The following PHLDB2 variants were observed in gnomAD, a reference collection of about 807,000 sequenced individuals.
PHLDB2 encodes pleckstrin homology like domain family B member 2, also known as pleckstrin homology-like domain family B member 2.
Under a neutral mutation model 123.6 loss-of-function variants are expected in PHLDB2, and 71 were observed. The observed-to-expected ratio is 0.57, with a 90% CI of 0.47 to 0.70. The LOEUF (loss-of-function observed/expected upper bound fraction) is 0.70. Among genes scored for constraint, PHLDB2 ranks in the 30% least tolerant of loss-of-function variants. The pLI is 0.00. For synonymous variants in PHLDB2, 547 were observed against 541.6 expected (o/e 1.01, Z -0.14); for missense variants, 1,446 against 1,519.5 (o/e 0.95, Z 0.80).
At chr3:111,734,454 C>A (rs929533760) in intron 1 of PHLDB2, among the ~76,000 whole-genome samples, 4 of 152,122 alleles carry the variant, frequency 2.6e-5, no homozygotes, top group Non-Finnish European at 5.9e-5. Context: ...GGCCATATTT[C>A]CCCACATTAC....
intron 1 of PHLDB2, among the ~76,000 whole-genome samples, chr3:111,809,465 G>A (rs2061735423): frequency 1.3e-5 from 2 of 152,108 alleles, no homozygotes; most frequent in African/African-American, 4.8e-5. Flanking sequence ...TCCAGCAGTG[G>A]GCCACTGCCC....
In PHLDB2 at chr3:111,933,769, A is replaced by G. The variant is rs900867822; in HGVS notation, c.2130+1372A>G. ...GTGTTTATGCTAGTTAACAAAAGAG[A>G]TGGGAAAACTGATTTTTTTTACATT... On this transcript the variant is annotated intron_variant, in intron 6 of 17. Transcript: ENST00000431670. Among the ~76,000 whole-genome samples, 4 of 152,184 alleles carry G rather than the reference A, an allele frequency of 2.6e-5. No individual in the cohort carries two copies. In the South Asian group the frequency reaches 8.3e-4, roughly 31 times the overall value.
At chr3:111,916,836 G>A (rs919146111) in intron 3 of PHLDB2, 6 of 152,068 alleles carry the variant, frequency 3.9e-5, no homozygotes, top group African/African-American at 1.2e-4. Flanking sequence ...CCCCTTTCCT[G>A]TGTGGATCAA....
intron 1 of PHLDB2, among the ~76,000 whole-genome samples, chr3:111,822,317 G>GTGTGTGTGTGTGTGTGTATATA (rs1553734228): frequency 2.7e-5 from 4 of 147,806 alleles, no homozygotes; most frequent in African/African-American, 1.0e-4. Flanking sequence ...GTGTGTGTGT[G>GTGTGTGTGTGTGTGTGTATATA]TATATATATA....
Position 111,913,408 on chromosome 3 carries a change from T to C in PHLDB2, c.1425T>C (p.Asp475=), listed in dbSNP as rs1460575471. Residue 475 remains aspartate, a synonymous_variant, in exon 3 of 18, where the codon GAT becomes GAC. Coordinates refer to ENST00000431670, the MANE Select transcript of PHLDB2 (RefSeq NM_001134438.2). Reference sequence around the variant, plus strand: ...TATCTACTGGGACCACCGTGGAAGATGTGCAGAAAATCAACAAGGAGCTTG... The same window carrying C: ...TATCTACTGGGACCACCGTGGAAGACGTGCAGAAAATCAACAAGGAGCTTG... ...SRLSTGTTVE[D]VQKINKELEK... is the part of the protein sequence containing the mutation. 6.2e-7 allele frequency: 1 copy of C among 1,613,950 alleles called. No individual in the cohort carries two copies. Among genetic ancestry groups the C allele is most frequent in the South Asian group, 1.1e-5 (1 of 91,068 alleles).
Position 111,795,319 on chromosome 3 carries a change from G to A in PHLDB2, c.-48-50502G>A, listed in dbSNP as rs915844481. Among the ~76,000 whole-genome samples the A allele has an allele frequency of 3.9e-5, 6 of 152,098 alleles. 1 individual carries two copies. The highest frequency in any genetic ancestry group is 2.0e-4 in the Admixed American group (3 of 15,278). ...ACAAGAGTGGAGATGGCCAAGGAGA[G>A]GATGTACCCTAACTGGAAATTTCAG... On this transcript the variant is annotated intron_variant, in intron 1 of 17. Coordinates refer to the PHLDB2 transcript ENST00000393923.
In PHLDB2 at chr3:111,851,377, A is replaced by T. The variant is rs187327779; in HGVS notation, c.67+5442A>T. On this transcript the variant is annotated intron_variant, in intron 2 of 17. Coordinates refer to the PHLDB2 transcript ENST00000393923. Reference sequence around the variant, plus strand: ...TGAATTTCTAGTCCATCAGTGACCCAACAGCCAAAATGGGCCTGCTCATGT... The same window carrying T: ...TGAATTTCTAGTCCATCAGTGACCCTACAGCCAAAATGGGCCTGCTCATGT... Among the ~76,000 whole-genome samples the T allele has an allele frequency of 1.3e-4, 20 of 152,234 alleles. No individual in the cohort carries two copies. In the East Asian group the frequency reaches 3.9e-3, roughly 29 times the overall value.
chr3:111,913,685 C>T lies in PHLDB2; in HGVS notation c.1702C>T (p.Leu568=), dbSNP rs967115522. Residue 568 remains leucine, a synonymous_variant, in exon 3 of 18, where the codon CTA becomes TTA. Transcript: ENST00000431670. ...GAAAGCTTCCAGCGAGTCCTCTTAT[C>T]TAAGTATCCTACCAAAGGTAATGTT... ...FPKASSESSY[L]SILPKTPEGI... 5 of 1,612,414 alleles carry T rather than the reference C, an allele frequency of 3.1e-6. No homozygotes were observed. The Admixed American group carries it at 6.7e-5, about 21-fold the overall frequency.
chr3:111,956,078 C>T (rs1363236329), intron 12 of PHLDB2, among the ~76,000 whole-genome samples: 1 of 152,080 alleles, frequency 6.6e-6, no homozygotes, highest in Non-Finnish European at 1.5e-5. Flanking sequence ...ACCTGTGGTC[C>T]CCACCACTCA....
chr3:111,844,352 T>G (rs1022667766), intron 1 of PHLDB2, among the ~76,000 whole-genome samples: 3 of 152,158 alleles, frequency 2.0e-5, no homozygotes, highest in African/African-American at 4.8e-5. Context: ...ATTCAACATG[T>G]CCAGAATTAA....
intron 2 of PHLDB2, among the ~76,000 whole-genome samples, chr3:111,896,544 G>C (rs971908032): frequency 6.6e-6 from 1 of 151,792 alleles, no homozygotes; most frequent in African/African-American, 2.4e-5. Flanking sequence ...ACGGGGTTTC[G>C]CCACGTATGT....
chr3:111,877,383 C>A, intron 1 of PHLDB2, among the ~76,000 whole-genome samples: 1 of 152,160 alleles, frequency 6.6e-6, no homozygotes, highest in Non-Finnish European at 1.5e-5. Flanking sequence ...TGAGAAGTGT[C>A]TGTTCATATC....
intron 1 of PHLDB2, among the ~76,000 whole-genome samples, chr3:111,776,250 C>T (rs564031208): frequency 1.3e-5 from 2 of 152,140 alleles, no homozygotes; most frequent in Admixed American, 1.3e-4. Context: ...AGTCCCATTC[C>T]ACATCTCTTT....
chr3:111,737,117 A>C lies in PHLDB2; in HGVS notation c.-49+4414A>C, dbSNP rs116922296. ...AGTTTCAACCCTACAGAAACCAGCT[A>C]CAGTTACAGGAGGAAACCTTATGCC... On this transcript the variant is annotated intron_variant, in intron 1 of 17. Transcript: ENST00000393923. 1.2e-3 allele frequency among the ~76,000 whole-genome samples: 180 copies of C among 152,318 alleles called. 3 individuals carry two copies. The East Asian group carries it at 0.025, about 21-fold the overall frequency.
At chr3:111,883,862 C>A in intron 1 of PHLDB2, 1 of 533,022 alleles carries the variant, frequency 1.9e-6, no homozygotes, top group Non-Finnish European at 3.3e-6. Context: ...CTCTTTTGTA[C>A]ATAAGTTATC....
At position 111,976,138 on chromosome 3, in the gene PHLDB2, T is replaced by C. The variant is rs1200700952; in HGVS notation, c.*1575T>C. 1 of 152,640 alleles carries C rather than the reference T, an allele frequency of 6.6e-6. No individual in the cohort carries two copies. Among genetic ancestry groups the C allele is most frequent in the East Asian group, 1.9e-4 (1 of 5,200 alleles). The allele number at this position is 152,640 out of a possible 1,614,324, so 9.5% of individuals were successfully genotyped here. A position where few individuals can be genotyped will look rare whatever the true frequency, so the allele number is the denominator to read the frequency against. Reference sequence around the variant, plus strand: ...ATGTAAAGATATGACTTTTCTGCACTGTACTCTCTTCATAGGATTGTAAAG... The same window carrying C: ...ATGTAAAGATATGACTTTTCTGCACCGTACTCTCTTCATAGGATTGTAAAG... On this transcript the variant is annotated 3_prime_UTR_variant, in exon 18 of 18. Transcript: ENST00000431670.
intron 1 of PHLDB2, among the ~76,000 whole-genome samples, chr3:111,806,531 C>T (rs1474367617): frequency 6.6e-6 from 1 of 150,848 alleles, no homozygotes; most frequent in Non-Finnish European, 1.5e-5. Flanking sequence ...GTCACCCAGG[C>T]TGGAGTGCAG....
chr3:111,785,064 C>T (rs2060627234), intron 1 of PHLDB2, among the ~76,000 whole-genome samples: 1 of 152,046 alleles, frequency 6.6e-6, no homozygotes, highest in South Asian at 2.1e-4. Flanking sequence ...TGTATAGTTC[C>T]ATCAGCTGTG....
chr3:111,875,772 G>A (rs1384778700), intron 1 of PHLDB2, among the ~76,000 whole-genome samples: 2 of 148,898 alleles, frequency 1.3e-5, no homozygotes, highest in South Asian at 2.1e-4. Context: ...GCAGTGAGTC[G>A]AGAATGTACC....
Sources: allele counts gnomAD v4.1 joint callset (sites outside exome capture counted in the v4.1 genomes callset), GRCh38; gene constraint gnomAD v4.1.1; transcripts MANE v1.5; gene names NCBI Gene and HGNC (gene_info 2026-07-23, HGNC 2026-07-21).